Variants in YWHAZ observed in about 807,000 individuals in gnomAD.
YWHAZ encodes 14-3-3 protein zeta/delta.
For missense variants in YWHAZ, 79 were observed against 284.8 expected (o/e 0.28, Z 5.20); for synonymous variants, 87 against 103.6 (o/e 0.84, Z 0.97).
At chr8:100,949,058 G>C (rs1451187333) in intron 1 of YWHAZ, among the ~76,000 whole-genome samples, 158 bp from the exon 2 acceptor site, 7 of 152,088 alleles carry the variant, frequency 4.6e-5, no homozygotes, top group Admixed American at 2.0e-4. Flanking sequence ...CAAAAGGATA[G>C]TCAAAAAAGG....
At position 100,948,159 on chromosome 8, in the gene YWHAZ, T is replaced by A; in HGVS notation, c.294+437A>T. ...TGGTTGACTCATTACATTAACATTA[T>A]AGCGGCTAATCCTGAGAAGAGTACT... On this transcript the variant is annotated intron_variant, in intron 2 of 5. Transcript: ENST00000395958. This position sits in a 1 kb window ranked among gnomAD's most constrained non-coding sequence, Gnocchi z 4.2. 1 of 1,532,478 alleles carries A rather than the reference T, an allele frequency of 6.5e-7. No homozygotes were observed. The highest frequency in any genetic ancestry group is 8.7e-7 in the Non-Finnish European group (1 of 1,145,608). 94.9% of individuals were successfully genotyped at this position (1,532,478 alleles called of 1,614,324 possible).
chr8:100,948,060 G>A lies in YWHAZ; in HGVS notation c.294+536C>T. 2 of 1,522,342 alleles carry A rather than the reference G, an allele frequency of 1.3e-6. No homozygotes were observed. Among genetic ancestry groups the A allele is most frequent in the African/African-American group, 1.4e-5 (1 of 72,764 alleles). 94.3% of individuals were successfully genotyped at this position (1,522,342 alleles called of 1,614,324 possible). On this transcript the variant is annotated intron_variant, in intron 2 of 5. Coordinates refer to ENST00000395958, the MANE Select transcript of YWHAZ (RefSeq NM_145690.3). This position sits in a 1 kb window ranked among gnomAD's most constrained non-coding sequence, Gnocchi z 4.2. ...GTTCATAACCTTTCATCATGGTTGT[G>A]AGTGTTCAAAATTTACCTTCAAGAA...
chr8:100,945,045 G>A (rs1213630084), intron 2 of YWHAZ, among the ~76,000 whole-genome samples: 6 of 152,172 alleles, frequency 3.9e-5, no homozygotes, highest in Non-Finnish European at 7.3e-5. Context: ...GTTTAAAGAG[G>A]TACTAGTGTT....
In YWHAZ at chr8:100,941,445, C is replaced by T. The variant is rs145169124; in HGVS notation, c.294+7151G>A. On this transcript the variant is annotated intron_variant, in intron 2 of 5. Transcript: ENST00000395958. ...GGTATAACGCTAATTTTTAAAAACT[C>T]TAGATCCCAAAAATTGTTTGCAAGT... Among the ~76,000 whole-genome samples the T allele has an allele frequency of 8.5e-5, 13 of 152,260 alleles. No individual in the cohort carries two copies. In the East Asian group the frequency reaches 2.5e-3, roughly 29 times the overall value.
chr8:100,951,223 G>T, intron 1 of YWHAZ: 9 of 984,556 alleles, frequency 9.1e-6, no homozygotes, highest in Non-Finnish European at 1.1e-5. Context: ...GCGCAGCCTC[G>T]CCCCGGTCTA....
chr8:100,935,663 A>C (rs1814095752), intron 2 of YWHAZ, among the ~76,000 whole-genome samples: 2 of 152,176 alleles, frequency 1.3e-5, no homozygotes, highest in Non-Finnish European at 2.9e-5. Context: ...GAAGAACCTA[A>C]GAAAAATCCT....
At chr8:100,923,867 G>T in intron 5 of YWHAZ, 88 bp downstream of exon 5, 1 of 1,046,986 alleles carries the variant, frequency 9.6e-7, no homozygotes, top group Non-Finnish European at 1.4e-6. Context: ...AATTTTAAAA[G>T]ATGTATTTAA....
At chr8:100,931,587 T>C (rs942976871) in intron 2 of YWHAZ, among the ~76,000 whole-genome samples, 2 of 152,202 alleles carry the variant, frequency 1.3e-5, no homozygotes, top group Non-Finnish European at 2.9e-5. Context: ...AACCCATTAA[T>C]TTTGAGAATT....
In YWHAZ at chr8:100,922,203, A is replaced by G. The variant is rs1328396914; in HGVS notation, c.679-1451T>C. Among the ~76,000 whole-genome samples the G allele has an allele frequency of 6.6e-6, 1 of 152,170 alleles. No homozygotes were observed. The highest frequency in any genetic ancestry group is 1.5e-5 in the Non-Finnish European group (1 of 68,028). On this transcript the variant is annotated intron_variant, in intron 5 of 5. Coordinates refer to ENST00000395958, the MANE Select transcript of YWHAZ (RefSeq NM_145690.3). The surrounding 1 kb of genome is among the most constrained non-coding windows in gnomAD (Gnocchi z 4.1). ...TTTGATACAAAATATTTCTTTTTCT[A>G]GAGTAATGTGTTGACAGTCTTGGTC...
intron 2 of YWHAZ, among the ~76,000 whole-genome samples, chr8:100,946,323 G>A (rs2130341513): frequency 6.6e-6 from 1 of 152,310 alleles, no homozygotes; most frequent in East Asian, 1.9e-4. Context: ...TGGATCACCT[G>A]AGGTCAAGAG....
chr8:100,939,887 G>A (rs1342415439), intron 2 of YWHAZ, among the ~76,000 whole-genome samples: 1 of 151,940 alleles, frequency 6.6e-6, no homozygotes, highest in African/African-American at 2.4e-5. Context: ...GCCGGGCGTG[G>A]TGGCGGCCAC....
rs1812948828 is a variant in YWHAZ, at chr8:100,920,761, AG to A, written c.679-10del. Reference sequence around the variant, plus strand: ...GTATCCGATGTCCACAACTGGTAAAAGAAGGAAAGATTTTTCAGCAAGTTTC... The same window carrying A: ...GTATCCGATGTCCACAACTGGTAAAAAAGGAAAGATTTTTCAGCAAGTTTC... On this transcript the variant is annotated splice_polypyrimidine_tract_variant and intron_variant, in intron 5 of 5. Transcript: ENST00000395958. 8.1e-7 allele frequency: 1 copy of A among 1,232,362 alleles called. No homozygotes were observed. Among genetic ancestry groups the A allele is most frequent in the East Asian group, 4.5e-5 (1 of 22,284 alleles). The allele number at this position is 1,232,362 out of a possible 1,614,324, so 76.3% of individuals were successfully genotyped here.
At chr8:100,925,212 C>T (rs553466484) in intron 2 of YWHAZ, among the ~76,000 whole-genome samples, 173 bp from the exon 3 acceptor site, 1 of 152,164 alleles carries the variant, frequency 6.6e-6, no homozygotes, top group African/African-American at 2.4e-5. Context: ...AAGCAGAATG[C>T]TTTGGGCAGC....
chr8:100,944,899 C>T (rs372031011), intron 2 of YWHAZ, among the ~76,000 whole-genome samples: 1 of 152,182 alleles, frequency 6.6e-6, no homozygotes, highest in East Asian at 1.9e-4. Context: ...TAGTTTGACT[C>T]AGTATCTTGA....
At chr8:100,951,321 C>A (rs979042252) in intron 1 of YWHAZ, 10 of 984,404 alleles carry the variant, frequency 1.0e-5, no homozygotes, top group African/African-American at 1.8e-5. Context: ...AGGCCCCCGG[C>A]CCCTCCCCGC....
intron 2 of YWHAZ, among the ~76,000 whole-genome samples, chr8:100,943,869 C>A (rs1204062126): frequency 6.6e-6 from 1 of 152,080 alleles, no homozygotes; most frequent in East Asian, 1.9e-4. Flanking sequence ...CACCTGTAGT[C>A]CCAGCTACTC....
intron 2 of YWHAZ, among the ~76,000 whole-genome samples, chr8:100,940,095 GTATCAAAAAGAACTTA>G (rs147366585): frequency 0.016 from 2,429 of 147,892 alleles, 79 homozygotes; most frequent in African/African-American, 0.057. Flanking sequence ...ACACTAACAA[GTATCAAAAAGAACTTA>G]TATCAAAAAG....
chr8:100,944,624 CA>C (rs1442592275), intron 2 of YWHAZ, among the ~76,000 whole-genome samples: 1 of 152,168 alleles, frequency 6.6e-6, no homozygotes, highest in African/African-American at 2.4e-5. Context: ...CAAAAATACA[CA>C]ATTTTAAAGG....
rs1354276719 is a variant in YWHAZ at position 100,949,047 on chromosome 8, A to G, written c.-11-147T>C. 3.9e-6 allele frequency: 4 copies of G among 1,023,546 alleles called. No homozygotes were observed. The African/African-American group carries it at 4.9e-5, about 12-fold the overall frequency. 63.4% of individuals were successfully genotyped at this position (1,023,546 alleles called of 1,614,324 possible). On this transcript the variant is annotated intron_variant, in intron 1 of 5. Transcript: ENST00000395958. Reference sequence around the variant, plus strand: ...ACATGAGGAATTAAAATGCAGCCTCACAAAAGGATAGTCAAAAAAGGGAAA... The same window carrying G: ...ACATGAGGAATTAAAATGCAGCCTCGCAAAAGGATAGTCAAAAAAGGGAAA...
Sources: gnomAD v4.1 joint callset for allele counts (sites outside exome capture counted in the v4.1 genomes callset) on GRCh38, gnomAD v4.1.1 for gene constraint, Gnocchi (gnomAD v3.1) non-coding constraint, MANE v1.5 for transcripts, NCBI Gene and HGNC (gene_info 2026-07-23, HGNC 2026-07-21) for gene names.